Variants in GSDMA observed in about 807,000 individuals in gnomAD.
GSDMA encodes the protein gasdermin A, also known as gasdermin-A.
In GSDMA, 55 loss-of-function variants were observed where a neutral mutation model predicts 54.3. That is an observed-to-expected ratio of 1.01 (90% CI 0.82 to 1.27). The LOEUF is 1.27. Among genes scored for constraint, GSDMA ranks in the 50% most tolerant of loss-of-function variants. The pLI, the probability that GSDMA is intolerant of heterozygous loss-of-function variation, is 0.00. For missense variants in GSDMA, 542 were observed against 542.6 expected (o/e 1.00, Z 0.01); for synonymous variants, 211 against 224.7 (o/e 0.94, Z 0.54).
At chr17:39,971,440 C>A in intron 4 of GSDMA, 84 bp from the exon 5 acceptor site, 1 of 1,017,584 alleles carries the variant, frequency 9.8e-7, no homozygotes, top group Non-Finnish European at 1.5e-6. Flanking sequence ...TCAGCCCTGA[C>A]CCTGCACCTC....
chr17:39,969,213 A>G (rs1979815723), intron 3 of GSDMA, among the ~76,000 whole-genome samples: 1 of 151,934 alleles, frequency 6.6e-6, no homozygotes, highest in African/African-American at 2.4e-5. Context: ...TTAGCCGGGC[A>G]TGGTGGTGCG....
intron 3 of GSDMA, 57 bp downstream of exon 3, chr17:39,966,494 A>G (rs1979676217): frequency 1.4e-6 from 2 of 1,458,760 alleles, no homozygotes; most frequent in Non-Finnish European, 1.9e-6. Flanking sequence ...GTGCATGGAA[A>G]TGGTGCTTGG....
rs1252399767 is a variant in GSDMA at position 39,976,849 on chromosome 17, GATA to G, written c.1131_1133del (p.Asp377_Lys378delinsGlu). On this transcript the variant is annotated inframe_deletion, in exon 12 of 12. Coordinates refer to ENST00000301659, the MANE Select transcript of GSDMA (RefSeq NM_178171.5). ...CACGATGGAACAGAACTTCCTGCTG[GATA>G]AAGAGGGTGTTTTCCCCCTGCAACC... 1 of 1,613,816 alleles carries G rather than the reference GATA, an allele frequency of 6.2e-7. No homozygotes were observed. The highest frequency in any genetic ancestry group is 1.3e-5 in the African/African-American group (1 of 74,888).
intron 1 of GSDMA, among the ~76,000 whole-genome samples, chr17:39,965,228 A>G (rs192160971): frequency 9.3e-5 from 10 of 107,046 alleles, no homozygotes; most frequent in African/African-American, 3.6e-4. Context: ...AAAGAAAGAA[A>G]GAAGGAAGGA....
intron 1 of GSDMA, chr17:39,965,454 T>C: frequency 1.8e-6 from 1 of 544,360 alleles, no homozygotes; most frequent in South Asian, 2.3e-5. Context: ...TGGCCATCTG[T>C]GGGACTTTGG....
At position 39,965,833 on chromosome 17, in the gene GSDMA, G is replaced by C; in HGVS notation, c.146G>C (p.Trp49Ser). ...AGGAAGAGGAAGAGCACGCTCTTCTGGGGGGCCCGGTACGTCCGCACCGAC... is the reference window on the plus strand; with the variant it reads ...AGGAAGAGGAAGAGCACGCTCTTCTCGGGGGCCCGGTACGTCCGCACCGAC... Reference protein sequence around the residue: ...VLRKRKSTLFWGARYVRTDYT... With the variant: ...VLRKRKSTLFSGARYVRTDYT... The change falls in exon 2 of 12, where the codon TGG becomes TCG. Residue 49 changes from tryptophan (W) to serine (S), a missense_variant. Physicochemically the swap from Trp to Ser is radical, Grantham distance 177. Transcript: ENST00000301659. The C allele has an allele frequency of 1.3e-6, 2 of 1,579,618 alleles. No homozygotes were observed. The highest frequency in any genetic ancestry group is 1.2e-5 in the South Asian group (1 of 86,318).
At chr17:39,974,163 A>C in intron 8 of GSDMA, 110 bp from the exon 9 acceptor site, 1 of 1,142,488 alleles carries the variant, frequency 8.8e-7, no homozygotes, top group Non-Finnish European at 1.2e-6. Context: ...ACTGGGGGGT[A>C]GAGCATGGGT....
Position 39,975,963 on chromosome 17 carries a change from T to A in GSDMA, c.1061T>A (p.Met354Lys). 6.2e-7 allele frequency: 1 copy of A among 1,600,838 alleles called. No homozygotes were observed. Among genetic ancestry groups the A allele is most frequent in the Non-Finnish European group, 8.5e-7 (1 of 1,173,600 alleles). ...CAACAGAAGCTGCTGGTGAAATCCA[T>A]GGAGAAAAAGATCCTACCCGTGCAG... ...EAQQKLLVKS[M>K]EKKILPVQLK... Residue 354 changes from methionine (M) to lysine (K), a missense_variant, in exon 11 of 12, where the codon ATG becomes AAG. By Grantham distance (95) the Met-to-Lys change is moderately conservative. Transcript: ENST00000301659.
At position 39,977,285 on chromosome 17, in the gene GSDMA, TTCTTTTC is replaced by T; in HGVS notation, c.*229_*235del. ...GCTGATGCTTAAATTTTCTTTACTT[TTCTTTTC>T]TTTTTTTTTTTTTTTTTGAGATGGA... On this transcript the variant is annotated 3_prime_UTR_variant, in exon 12 of 12. Transcript: ENST00000301659. The T allele has an allele frequency of 9.2e-6, 3 of 324,932 alleles. No homozygotes were observed. The highest frequency in any genetic ancestry group is 1.1e-5 in the Non-Finnish European group (2 of 188,892). 20.1% of individuals were successfully genotyped at this position (324,932 alleles called of 1,614,324 possible).
At chr17:39,974,245 G>A in intron 8 of GSDMA, 28 bp from the exon 9 acceptor site, 1 of 1,589,196 alleles carries the variant, frequency 6.3e-7, no homozygotes, top group Non-Finnish European at 8.6e-7. Flanking sequence ...CCGATGGAGG[G>A]CTGTGTGTCC....
chr17:39,972,272 C>G, intron 6 of GSDMA, 96 bp downstream of exon 6: 1 of 868,764 alleles, frequency 1.2e-6, no homozygotes, highest in South Asian at 1.5e-5. Flanking sequence ...ATACTATAAT[C>G]CCCCAAGGAG....
chr17:39,971,302 A>G (rs1712475116), intron 4 of GSDMA, among the ~76,000 whole-genome samples: 1 of 152,112 alleles, frequency 6.6e-6, no homozygotes, highest in African/African-American at 2.4e-5. Context: ...ACTAGACTCT[A>G]CTGACCTGAA....
Position 39,970,872 on chromosome 17 carries a change from C to T in GSDMA, c.558+225C>T, listed in dbSNP as rs766186807. ...GGCACCCAGTGAGGGCAGATCCCTG[C>T]GCCAGATGCCACAGGGAACTACTGG... On this transcript the variant is annotated intron_variant, in intron 4 of 11. Transcript: ENST00000301659. Among the ~76,000 whole-genome samples the T allele has an allele frequency of 4.6e-5, 7 of 152,150 alleles. No individual in the cohort carries two copies. In the South Asian group the frequency reaches 8.3e-4, roughly 18 times the overall value.
chr17:39,968,662 C>G lies in GSDMA; in HGVS notation c.393-1820C>G, dbSNP rs1598303711. Among the ~76,000 whole-genome samples, 3 of 152,214 alleles carry G rather than the reference C, an allele frequency of 2.0e-5. No homozygotes were observed. In the South Asian group the frequency reaches 6.2e-4, roughly 32 times the overall value. On this transcript the variant is annotated intron_variant, in intron 3 of 11. Coordinates refer to ENST00000301659, the MANE Select transcript of GSDMA (RefSeq NM_178171.5). ...CACCCCCAGCCAAGACACTGTTCTT[C>G]TATCCCATGAGCAACGAAAACTGAG...
chr17:39,970,389 G>C, intron 3 of GSDMA, 93 bp from the exon 4 acceptor site: 9 of 1,231,524 alleles, frequency 7.3e-6, no homozygotes, highest in Non-Finnish European at 9.7e-6. Flanking sequence ...CCACCACAAT[G>C]TCTAGTTCCT....
chr17:39,965,380 T>C (rs1979601003), intron 1 of GSDMA: 1 of 334,486 alleles, frequency 3.0e-6, no homozygotes, highest in Non-Finnish European at 5.5e-6. Flanking sequence ...TCCGTGGCAG[T>C]GAAGAAAATG....
rs1980096605 is a variant in GSDMA at position 39,974,274 on chromosome 17, G to T, written c.753G>T (p.Gly251=). 6.2e-7 allele frequency: 1 copy of T among 1,609,220 alleles called. No individual in the cohort carries two copies. Among genetic ancestry groups the T allele is most frequent in the South Asian group, 1.1e-5 (1 of 89,954 alleles). ...TGTGTCCCATTATTGTCCCCATAGG[G>T]GACGTACACGAAGGCTTCAGGACAC... ...KVILIQASDV[G]DVHEGFRTLK... is the part of the protein sequence containing the mutation. Residue 251 remains glycine (G), a splice_region_variant and synonymous_variant, in exon 9 of 12, where the codon GGG becomes GGT. Transcript: ENST00000301659.
chr17:39,967,641 G>C (rs1979728345), intron 3 of GSDMA, among the ~76,000 whole-genome samples: 1 of 152,138 alleles, frequency 6.6e-6, no homozygotes, highest in African/African-American at 2.4e-5. Flanking sequence ...GAGGAACAGG[G>C]GTTTGAAGCA....
chr17:39,976,599 G>A (rs1389385210), intron 11 of GSDMA, among the ~76,000 whole-genome samples: 1 of 152,140 alleles, frequency 6.6e-6, no homozygotes, highest in Non-Finnish European at 1.5e-5. Flanking sequence ...TTTTTACTGT[G>A]TCTGAGTCTG....
Sources: allele counts gnomAD v4.1 joint callset (sites outside exome capture counted in the v4.1 genomes callset), GRCh38; gene constraint gnomAD v4.1.1; transcripts MANE v1.5; gene names NCBI Gene and HGNC (gene_info 2026-07-23, HGNC 2026-07-21).